Variants in BOC observed in about 807,000 individuals in gnomAD.
BOC encodes the protein brother of CDO.
BOC carries 76 observed loss-of-function variants against 112.0 expected under a neutral mutation model. The ratio of observed to expected loss-of-function variants is 0.68; its 90% CI spans 0.56 to 0.82. BOC has a LOEUF of 0.82. Among genes scored for constraint, BOC ranks in the 40% least tolerant of loss-of-function variants. The pLI, the probability that BOC is intolerant of heterozygous loss-of-function variation, is 0.00. For synonymous variants in BOC, 580 were observed against 599.8 expected, an observed-to-expected ratio of 0.97 and a Z score of 0.48; for missense variants, 1,309 against 1,511.7, an observed-to-expected ratio of 0.87 and a Z score of 2.22.
rs1944296872 is a variant in BOC at position 113,241,549 on chromosome 3, C to T, written c.-81-8173C>T. On this transcript the variant is annotated intron_variant, in intron 2 of 19. Transcript: ENST00000682979. ...CCCAACCTCTCTAGATTAGAACTCT[C>T]TGGGTACCAGGACCTTTTGAAAGGA... Among the ~76,000 whole-genome samples the T allele has an allele frequency of 2.0e-5, 3 of 152,108 alleles. No homozygotes were observed. In the South Asian group the frequency reaches 6.2e-4, roughly 32 times the overall value.
rs1949743083 is a variant in BOC, at chr3:113,286,828, G to GT, written c.3315dup (p.Val1106CysfsTer4). On this transcript the variant is annotated frameshift_variant, in exon 20 of 20. Transcript: ENST00000682979. LOFTEE classifies it high-confidence loss of function. ...CAGCTCTCCCCGGGGCCACTGGTGC[G>GT]TGTGTCTTTTGAAACACCACCTCTC... The GT allele has an allele frequency of 6.2e-7, 1 of 1,603,224 alleles. No homozygotes were observed. Among genetic ancestry groups the GT allele is most frequent in the Non-Finnish European group, 8.5e-7 (1 of 1,175,678 alleles).
intron 1 of BOC, chr3:113,212,634 G>A (rs997505750): frequency 6.6e-6 from 1 of 152,600 alleles, no homozygotes; most frequent in African/African-American, 2.4e-5. Flanking sequence ...TGGCGCAGAG[G>A]GGCGAGGCTG....
At chr3:113,260,736 C>T (rs1946779528) in intron 4 of BOC, among the ~76,000 whole-genome samples, 1 of 147,250 alleles carries the variant, frequency 6.8e-6, no homozygotes, top group African/African-American at 2.6e-5. Flanking sequence ...CAGAACAGAA[C>T]AGAACAGAAC....
chr3:113,284,205 C>T (rs1949460428), intron 16 of BOC, 130 bp from the exon 17 acceptor site: 5 of 735,192 alleles, frequency 6.8e-6, no homozygotes, highest in Non-Finnish European at 1.2e-5. Flanking sequence ...ATCGCTTGGG[C>T]ACTGTCAACT....
rs756021618 is a variant in BOC, at chr3:113,278,699, G to A, written c.1732G>A (p.Ala578Thr). 1.3e-6 allele frequency: 2 copies of A among 1,570,548 alleles called. No homozygotes were observed. Among genetic ancestry groups the A allele is most frequent in the Non-Finnish European group, 1.7e-6 (2 of 1,157,466 alleles). ...TGRRPKPEIMASKEQQIQRDD... is the reference protein window; with the variant it reads ...TGRRPKPEIMTSKEQQIQRDD... The stretch of plus-strand genomic sequence containing the variant: ...ACGGCGGCCCAAACCCGAGATCATG[G>A]CCAGCAAAGAGCAGCAGATCCAGAG... The change falls in exon 11 of 20, where the codon GCC (alanine) becomes ACC (threonine). Residue 578 changes from alanine to threonine, a missense_variant. By Grantham distance (58) the Ala-to-Thr change is moderately conservative (BLOSUM62 0). Transcript: ENST00000682979. The surrounding 1 kb of genome is among the most constrained non-coding windows in gnomAD (Gnocchi z 4.2).
chr3:113,217,088 G>A (rs1939544051), intron 2 of BOC, among the ~76,000 whole-genome samples: 1 of 152,210 alleles, frequency 6.6e-6, no homozygotes, highest in African/African-American at 2.4e-5. Flanking sequence ...TGTGTGCCTG[G>A]CATCAGGTGT....
At chr3:113,213,271 G>C (rs574051375) in intron 1 of BOC, among the ~76,000 whole-genome samples, 4 of 152,124 alleles carry the variant, frequency 2.6e-5, no homozygotes, top group African/African-American at 9.6e-5. Flanking sequence ...ATTATATTTT[G>C]ATTTCAGGCC....
At chr3:113,250,977 C>T in intron 4 of BOC, 144 bp downstream of exon 4, 1 of 1,076,322 alleles carries the variant, frequency 9.3e-7, no homozygotes, top group South Asian at 1.5e-5. Flanking sequence ...AGAACAGTAG[C>T]TGCCTAGTAA....
At position 113,217,211 on chromosome 3, in the gene BOC, G is replaced by A. The variant is rs557602148; in HGVS notation, c.-82+937G>A. 3.3e-5 allele frequency among the ~76,000 whole-genome samples: 5 copies of A among 152,304 alleles called. No individual in the cohort carries two copies. In the East Asian group the frequency reaches 7.7e-4, roughly 24 times the overall value. On this transcript the variant is annotated intron_variant, in intron 2 of 19. Coordinates refer to ENST00000682979, the MANE Select transcript of BOC (RefSeq NM_001378074.1). ...ACTCTAGGGTTGAAGTGCTTGGAAT[G>A]GGTCCGTTAAGAAAGACTTCTTGGC... is the stretch of plus-strand genomic sequence containing the variant.
At chr3:113,252,890 G>A (rs911792573) in intron 4 of BOC, among the ~76,000 whole-genome samples, 3 of 152,146 alleles carry the variant, frequency 2.0e-5, no homozygotes, top group African/African-American at 7.2e-5. Context: ...TTCCAGCTGT[G>A]CTTGTTGGGC....
At chr3:113,222,837 C>T (rs16860670) in intron 2 of BOC, among the ~76,000 whole-genome samples, 13,603 of 152,232 alleles carry the variant, frequency 0.089, 649 homozygotes, top group African/African-American at 0.12. Context: ...ATTGGACTTC[C>T]GTTGAATCTG....
chr3:113,282,109 C>T (rs74594291), intron 15 of BOC, among the ~76,000 whole-genome samples: 4,983 of 152,090 alleles, frequency 0.033, 156 homozygotes, highest in East Asian at 0.099. Context: ...TGTCAGGCAC[C>T]GGGAAGGAGG....
At position 113,278,332 on chromosome 3, in the gene BOC, C is replaced by T. The variant is rs1323722870; in HGVS notation, c.1705+75C>T. 1 of 1,467,806 alleles carries T rather than the reference C, an allele frequency of 6.8e-7. No homozygotes were observed. The allele number at this position is 1,467,806 out of a possible 1,614,324, so 90.9% of individuals were successfully genotyped here. On this transcript the variant is annotated intron_variant, in intron 10 of 19. Coordinates refer to ENST00000682979, the MANE Select transcript of BOC (RefSeq NM_001378074.1). The surrounding 1 kb of genome is among the most constrained non-coding windows in gnomAD (Gnocchi z 4.2). The stretch of plus-strand genomic sequence containing the variant: ...AGTTCCACTGGCCCAGGTGAGAATT[C>T]CTGCTCACCTTGCCCCAGCTGTTCA...
chr3:113,284,594 A>G (rs1232871356), intron 17 of BOC, 27 bp downstream of exon 17: 1 of 1,595,540 alleles, frequency 6.3e-7, no homozygotes, highest in Admixed American at 1.8e-5. Flanking sequence ...TGTGGGCGGC[A>G]GGTATGGGAC....
In BOC at chr3:113,279,836, A is replaced by T; in HGVS notation, c.2036A>T (p.Lys679Met). The part of the protein sequence containing the change: ...ITGLEKGTSY[K>M]FRVRALNMLG... ...TCCCTCTCACCAGGCACCTCCTACA[A>T]GTTTCGAGTCCGGGCTCTGAACATG... Residue 679 changes from lysine to methionine, a missense_variant, in exon 13 of 20, where the codon AAG becomes ATG. Transcript: ENST00000682979. The T allele has an allele frequency of 6.2e-7, 1 of 1,607,180 alleles. No individual in the cohort carries two copies. The highest frequency in any genetic ancestry group is 8.5e-7 in the Non-Finnish European group (1 of 1,176,398).
At chr3:113,279,185 C>A (rs909926916) in intron 11 of BOC, 64 bp from the exon 12 acceptor site, 189 of 1,538,814 alleles carry the variant, frequency 1.2e-4, no homozygotes, top group Non-Finnish European at 2.6e-5. Flanking sequence ...CGTCATCTCA[C>A]CCTGCTTCCT....
At chr3:113,285,223 CTT>C in intron 18 of BOC, 147 bp from the exon 19 acceptor site, 2 of 686,778 alleles carry the variant, frequency 2.9e-6, no homozygotes. Flanking sequence ...TGTGGTACCT[CTT>C]GATGTTCAAA....
At chr3:113,263,913 G>A (rs890973095) in intron 4 of BOC, among the ~76,000 whole-genome samples, 2 of 152,218 alleles carry the variant, frequency 1.3e-5, no homozygotes, top group African/African-American at 4.8e-5. Context: ...AAGGGTCTGT[G>A]CCTGATGTGC....
chr3:113,226,318 T>C (rs1264342977), intron 2 of BOC, among the ~76,000 whole-genome samples: 1 of 152,172 alleles, frequency 6.6e-6, no homozygotes, highest in African/African-American at 2.4e-5. Context: ...TCTTTCTCCA[T>C]GTGGGGTGCT....
Sources: gnomAD v4.1 joint callset for allele counts (sites outside exome capture counted in the v4.1 genomes callset) on GRCh38, gnomAD v4.1.1 for gene constraint, Gnocchi (gnomAD v3.1) non-coding constraint, MANE v1.5 for transcripts, NCBI Gene and HGNC (gene_info 2026-07-23, HGNC 2026-07-21) for gene names.